XPO6: variants seen among roughly 807,000 people sequenced by gnomAD.
XPO6 encodes exportin-6.
Under a neutral mutation model 130.0 loss-of-function variants are expected in XPO6, and 3 were observed. That is an observed-to-expected ratio of 0.02 (90% CI 0.01 to 0.06). XPO6 has a LOEUF of 0.06. Ranked by LOEUF, XPO6 falls within the 10% of genes least tolerant of loss-of-function variation. XPO6 has a pLI of 1.00. For missense variants in XPO6, 970 were observed against 1,393.0 expected, an observed-to-expected ratio of 0.70 and a Z score of 4.83; for synonymous variants, 524 against 548.9, an observed-to-expected ratio of 0.95 and a Z score of 0.63.
Position 28,098,205 on chromosome 16 carries a change from G to C in XPO6, c.*333C>G, listed in dbSNP as rs1418278390. 4.3e-6 allele frequency: 1 copy of C among 232,536 alleles called. No homozygotes were observed. Among genetic ancestry groups the C allele is most frequent in the Non-Finnish European group, 8.4e-6 (1 of 118,456 alleles). The allele number at this position is 232,536 out of a possible 1,614,324, so 14.4% of individuals were successfully genotyped here. ...AATGGTGAGAAGGTGGCACTGTCGT[G>C]AGCTGTCCTTGGCAATTCTGCCCCA... is the stretch of plus-strand genomic sequence containing the variant. On this transcript the variant is annotated 3_prime_UTR_variant, in exon 24 of 24. Coordinates refer to ENST00000304658, the MANE Select transcript of XPO6 (RefSeq NM_015171.4).
chr16:28,150,956 T>TC (rs1340217514), intron 8 of XPO6, among the ~76,000 whole-genome samples: 1 of 152,020 alleles, frequency 6.6e-6, no homozygotes, highest in Admixed American at 6.6e-5. Flanking sequence ...CACTTGCCCC[T>TC]CTACCTGACA....
At chr16:28,154,963 T>G (rs2043160959) in intron 7 of XPO6, among the ~76,000 whole-genome samples, 1 of 152,186 alleles carries the variant, frequency 6.6e-6, no homozygotes, top group African/African-American at 2.4e-5. Context: ...ACCAAATAAT[T>G]TTTAAGAACA....
chr16:28,158,859 A>G (rs2043225418), intron 6 of XPO6, among the ~76,000 whole-genome samples: 1 of 152,212 alleles, frequency 6.6e-6, no homozygotes, highest in South Asian at 2.1e-4. Flanking sequence ...AGACTAAAGG[A>G]AATCAAACAA....
chr16:28,098,560 G>A lies in XPO6; in HGVS notation c.3356C>T (p.Pro1119Leu), dbSNP rs1291126327. 1 of 1,612,548 alleles carries A rather than the reference G, an allele frequency of 6.2e-7. No homozygotes were observed. Among genetic ancestry groups the A allele is most frequent in the Non-Finnish European group, 8.5e-7 (1 of 1,179,042 alleles). ...GGCCTAGAGCTTCACAGTGCCAGGG[G>A]GCAGGCTGTCGTTGCAGAGTCTGTA... ...RYYRLCNDSL[P>L]PGTVKL The change falls in exon 24 of 24, where the codon CCC becomes CTC. Residue 1119 changes from proline to leucine, a missense_variant. Pro to Leu is a moderately conservative substitution (Grantham distance 98, BLOSUM62 -3). This residue lies in a region of XPO6 where 936 missense variants were observed against 1,306.8 expected (regional missense o/e 0.72). Coordinates refer to ENST00000304658, the MANE Select transcript of XPO6 (RefSeq NM_015171.4).
chr16:28,175,157 C>T (rs1282511497), intron 4 of XPO6, among the ~76,000 whole-genome samples: 1 of 152,100 alleles, frequency 6.6e-6, no homozygotes, highest in Non-Finnish European at 1.5e-5. Context: ...CTTCTCTCCC[C>T]TCTCACCTAT....
chr16:28,195,024 T>C lies in XPO6; in HGVS notation c.4-13993A>G, dbSNP rs147920051. Among the ~76,000 whole-genome samples the C allele has an allele frequency of 3.1e-3, 473 of 151,344 alleles. 5 individuals carry two copies. The highest frequency in any genetic ancestry group is 0.011 in the African/African-American group (459 of 41,210). On this transcript the variant is annotated intron_variant, in intron 1 of 23. Transcript: ENST00000304658. Reference sequence around the variant, plus strand: ...CCCAACTCTGTGAAGCCTAATGCAGTTCCCCCTTCCCCACCCTCAGAGCTC... The same window carrying C: ...CCCAACTCTGTGAAGCCTAATGCAGCTCCCCCTTCCCCACCCTCAGAGCTC...
rs570245308 is a variant in XPO6, at chr16:28,106,835, G to A, written c.2498-338C>T. On this transcript the variant is annotated intron_variant, in intron 18 of 23. Transcript: ENST00000304658. The surrounding 1 kb of genome is among the most constrained non-coding windows in gnomAD (Gnocchi z 4.2). ...GCCCACACTGATGAATGCCAACTGG[G>A]TCAACACCTGAGTGCTTAAGCCATT... Among the ~76,000 whole-genome samples the A allele has an allele frequency of 6.6e-6, 1 of 152,298 alleles. No homozygotes were observed. The highest frequency in any genetic ancestry group is 2.1e-4 in the South Asian group (1 of 4,822).
At chr16:28,123,305 G>A (rs532471664) in intron 13 of XPO6, among the ~76,000 whole-genome samples, 4 of 152,094 alleles carry the variant, frequency 2.6e-5, no homozygotes, top group East Asian at 1.9e-4. Context: ...GACAGGTTTC[G>A]TCATGTTGTC....
chr16:28,170,882 A>C (rs2141853103), intron 4 of XPO6, among the ~76,000 whole-genome samples: 1 of 152,312 alleles, frequency 6.6e-6, no homozygotes, highest in South Asian at 2.1e-4. Context: ...CTTCCTAATC[A>C]TTTTTACAAA....
chr16:28,193,781 G>A (rs765818151), intron 1 of XPO6, among the ~76,000 whole-genome samples: 1 of 152,116 alleles, frequency 6.6e-6, no homozygotes, highest in African/African-American at 2.4e-5. Flanking sequence ...CAGCAAGCAC[G>A]CATCACCCGT....
At chr16:28,198,330 AT>A (rs5816464) in intron 1 of XPO6, among the ~76,000 whole-genome samples, 89,451 of 150,978 alleles carry the variant, frequency 0.59, 28,234 homozygotes, top group South Asian at 0.72. Context: ...AATGGTGGTA[AT>A]TTTTTTTTTT....
At chr16:28,120,981 T>C (rs984654384) in intron 14 of XPO6, among the ~76,000 whole-genome samples, 1 of 152,280 alleles carries the variant, frequency 6.6e-6, no homozygotes, top group Non-Finnish European at 1.5e-5. Flanking sequence ...GCAAAGGCCA[T>C]AGTTTGCCAA....
chr16:28,199,417 G>A (rs183022670), intron 1 of XPO6, among the ~76,000 whole-genome samples: 1 of 152,018 alleles, frequency 6.6e-6, no homozygotes, highest in Non-Finnish European at 1.5e-5. Flanking sequence ...TGGGATTACA[G>A]GTGCCCACCA....
rs180849809 is a variant in XPO6 at position 28,202,655 on chromosome 16, A to C, written c.3+8711T>G. Among the ~76,000 whole-genome samples the C allele has an allele frequency of 2.5e-3, 388 of 152,304 alleles. 1 individual carries two copies. Among genetic ancestry groups the C allele is most frequent in the Non-Finnish European group, 4.4e-3 (299 of 68,022 alleles). ...CATTAACAGAACCAGGGCAAGACAGAGGAGGCACTAACCTGAGAGGAAGAT... is the reference window on the plus strand; with the variant it reads ...CATTAACAGAACCAGGGCAAGACAGCGGAGGCACTAACCTGAGAGGAAGAT... On this transcript the variant is annotated intron_variant, in intron 1 of 23. Transcript: ENST00000304658.
In XPO6 at chr16:28,101,206, G is replaced by T. The variant is rs1280359259; in HGVS notation, c.3276+252C>A. ...CCAAGACAAATGGAGGGGCTGCAGA[G>T]CCAGGAACTCGGGACCTCCATGGCT... On this transcript the variant is annotated intron_variant, in intron 23 of 23. Transcript: ENST00000304658. This position sits in a 1 kb window ranked among gnomAD's most constrained non-coding sequence, Gnocchi z 5.4. The T allele has an allele frequency of 1.8e-6, 1 of 567,484 alleles. No individual in the cohort carries two copies. The highest frequency in any genetic ancestry group is 1.9e-5 in the African/African-American group (1 of 53,438). The allele number at this position is 567,484 out of a possible 1,614,324, so 35.2% of individuals were successfully genotyped here. A position where few individuals can be genotyped will look rare whatever the true frequency, so the allele number is the denominator to read the frequency against.
At chr16:28,173,662 CCTT>C (rs2043490884) in intron 4 of XPO6, among the ~76,000 whole-genome samples, 1 of 152,116 alleles carries the variant, frequency 6.6e-6, no homozygotes, top group African/African-American at 2.4e-5. Context: ...CAGTCTGGCT[CCTT>C]CTACTACATG....
chr16:28,186,578 G>A (rs2043699457), intron 1 of XPO6, among the ~76,000 whole-genome samples: 2 of 151,364 alleles, frequency 1.3e-5, no homozygotes, highest in South Asian at 2.1e-4. Flanking sequence ...CTCTGTTGCC[G>A]AGGTTGGGGT....
intron 1 of XPO6, among the ~76,000 whole-genome samples, chr16:28,194,069 G>C (rs750899868): frequency 5.9e-5 from 9 of 151,856 alleles, no homozygotes; most frequent in Admixed American, 1.3e-4. Flanking sequence ...CTAACCTCTC[G>C]GAGCTCAAGT....
intron 6 of XPO6, among the ~76,000 whole-genome samples, chr16:28,162,294 AT>A (rs1477518534): frequency 2.6e-5 from 4 of 152,242 alleles, no homozygotes; most frequent in African/African-American, 9.6e-5. Context: ...GTTTCAAGGT[AT>A]TTTAGTGGAT....
Sources: gnomAD v4.1 joint callset for allele counts (sites outside exome capture counted in the v4.1 genomes callset) on GRCh38, gnomAD v4.1.1 for gene constraint, gnomAD v4.1.1 regional missense constraint, Gnocchi (gnomAD v3.1) non-coding constraint, MANE v1.5 for transcripts, NCBI Gene and HGNC (gene_info 2026-07-23, HGNC 2026-07-21) for gene names.